The following SREK1 variants were observed in gnomAD, a reference collection of about 807,000 sequenced individuals.
SREK1 encodes the protein splicing regulatory glutamic acid and lysine rich protein 1.
A neutral mutation model predicts 66.5 loss-of-function variants in SREK1; 13 were observed. The ratio of observed to expected loss-of-function variants is 0.20; its 90% confidence interval spans 0.13 to 0.31. The LOEUF (loss-of-function observed/expected upper bound fraction) is 0.31. Among genes scored for constraint, SREK1 ranks in the 10% least tolerant of loss-of-function variants. SREK1 has a pLI of 1.00. For missense variants in SREK1, 607 were observed against 769.6 expected, an observed-to-expected ratio of 0.79 and a Z score of 2.50; for synonymous variants, 265 against 263.5, an observed-to-expected ratio of 1.01 and a Z score of -0.05.
At chr5:66,157,612 A>G (rs932394752) in intron 2 of SREK1, 2 of 967,660 alleles carry the variant, frequency 2.1e-6, no homozygotes, top group Non-Finnish European at 2.5e-6. Flanking sequence ...TAACTAATAC[A>G]TATAAAGCAG....
At chr5:66,150,907 C>T (rs1743732064) in intron 1 of SREK1, among the ~76,000 whole-genome samples, 1 of 151,260 alleles carries the variant, frequency 6.6e-6, no homozygotes. Context: ...GTGGTGTGAT[C>T]TCGGCTCACT....
intron 10 of SREK1, among the ~76,000 whole-genome samples, chr5:66,177,025 TTTCTC>T (rs1180303599): frequency 3.3e-5 from 5 of 152,218 alleles, no homozygotes; most frequent in Admixed American, 6.6e-5. Flanking sequence ...AGTCAAAACT[TTTCTC>T]TTATGAACTG....
At chr5:66,168,236 TTAG>T (rs2112062320) in intron 7 of SREK1, 1 of 152,330 alleles carries the variant, frequency 6.6e-6, no homozygotes, top group East Asian at 1.9e-4. Flanking sequence ...GTAATGTTGA[TTAG>T]TATTTTAATC....
chr5:66,148,952 T>A (rs899703149), intron 1 of SREK1, among the ~76,000 whole-genome samples: 3 of 152,260 alleles, frequency 2.0e-5, no homozygotes, highest in African/African-American at 7.2e-5. Flanking sequence ...TAGTTTATAA[T>A]GGTCAAAATA....
intron 1 of SREK1, 117 bp from the exon 2 acceptor site, chr5:66,153,346 A>C: frequency 1.5e-6 from 2 of 1,315,286 alleles, no homozygotes; most frequent in Admixed American, 2.4e-5. Flanking sequence ...AATAACAAAA[A>C]GTTTTAAAGT....
rs1480755436 is a variant in SREK1, at chr5:66,178,849, C to T, written c.1856C>T (p.Thr619Ile). ...CAGCTGAATGAAGAAAACCTCTCTA[C>T]CAAAACAGAAGCAGTATAGGACCGA... ...NCQLNEENLS[T>I]KTEAV is the part of the protein sequence containing the mutation. The change falls in exon 12 of 12, where the codon ACC becomes ATC. Residue 619 changes from threonine to isoleucine, a missense_variant. Around this residue, in one of 5 missense-constraint regions of SREK1, gnomAD observed 318 missense variants for 310.3 expected, o/e 1.02. Transcript: ENST00000334121. 1.2e-6 allele frequency: 2 copies of T among 1,612,022 alleles called. No individual in the cohort carries two copies. The highest frequency in any genetic ancestry group is 1.7e-5 in the Admixed American group (1 of 59,890).
intron 1 of SREK1, among the ~76,000 whole-genome samples, chr5:66,151,032 G>T (rs575256520): frequency 1.3e-5 from 2 of 151,990 alleles, no homozygotes; most frequent in African/African-American, 4.8e-5. Context: ...GTAGAGATGG[G>T]GTTTCATCAT....
chr5:66,167,390 T>G (rs539516226), intron 7 of SREK1: 2 of 152,354 alleles, frequency 1.3e-5, no homozygotes, highest in Middle Eastern at 6.8e-3. Context: ...TTATAATATT[T>G]TAATGGAAAA....
rs112592920 is a variant in SREK1 at position 66,161,842 on chromosome 5, T to C, written c.412-267T>C. 2.2e-3 allele frequency among the ~76,000 whole-genome samples: 341 copies of C among 152,338 alleles called. 1 individual carries two copies. Among genetic ancestry groups the C allele is most frequent in the African/African-American group, 7.8e-3 (324 of 41,580 alleles). ...TCACGGAAACTATAGAACATAGCTA[T>C]GTCAGGTAATGAGAAACAGCCTGTC... On this transcript the variant is annotated intron_variant, in intron 3 of 11. Transcript: ENST00000334121.
chr5:66,161,699 A>C lies in SREK1; in HGVS notation c.412-410A>C, dbSNP rs138642753. On this transcript the variant is annotated intron_variant, in intron 3 of 11. Coordinates refer to ENST00000334121, the MANE Select transcript of SREK1 (RefSeq NM_001077199.3). The stretch of plus-strand genomic sequence containing the variant: ...CAGCTAAGGTGTCTTTAAACAGAAG[A>C]ACATATAAAATAAGGTTAAATATTT... Among the ~76,000 whole-genome samples, 652 of 152,370 alleles carry C rather than the reference A, an allele frequency of 4.3e-3. 4 individuals carry two copies. Among genetic ancestry groups the C allele is most frequent in the African/African-American group, 0.014 (600 of 41,590 alleles).
rs913338403 is a variant in SREK1, at chr5:66,180,481, A to G, written c.*1613A>G. The G allele has an allele frequency of 1.3e-5, 2 of 152,554 alleles. No individual in the cohort carries two copies. Among genetic ancestry groups the G allele is most frequent in the Non-Finnish European group, 2.9e-5 (2 of 68,006 alleles). 9.5% of individuals were successfully genotyped at this position (152,554 alleles called of 1,614,324 possible). A position where few individuals can be genotyped will look rare whatever the true frequency, so the allele number is the denominator to read the frequency against. ...CAACTTGAGTTTTCTTTTAATGTTA[A>G]TAAGATTGAAACTTTAGTATTTAGT... On this transcript the variant is annotated 3_prime_UTR_variant, in exon 12 of 12. Coordinates refer to ENST00000334121, the MANE Select transcript of SREK1 (RefSeq NM_001077199.3).
At chr5:66,159,552 T>C (rs763226329) in intron 3 of SREK1, among the ~76,000 whole-genome samples, 2 of 152,144 alleles carry the variant, frequency 1.3e-5, no homozygotes, top group African/African-American at 2.4e-5. Flanking sequence ...TCATTTAAAT[T>C]TGAGAACCCC....
chr5:66,170,500 G>A, intron 8 of SREK1, 85 bp from the exon 9 acceptor site: 1 of 1,454,044 alleles, frequency 6.9e-7, no homozygotes, highest in Non-Finnish European at 9.3e-7. Flanking sequence ...ATTGTCTTGT[G>A]TTGGTAATTG....
intron 1 of SREK1, among the ~76,000 whole-genome samples, chr5:66,148,138 C>T (rs27079): frequency 0.32 from 48,357 of 151,766 alleles, 9,225 homozygotes; most frequent in African/African-American, 0.5. Context: ...ATGTTAGCAA[C>T]TTATAAGTAG....
chr5:66,169,929 T>C (rs1745489225), intron 7 of SREK1, 122 bp from the exon 8 acceptor site: 2 of 702,086 alleles, frequency 2.8e-6, no homozygotes, highest in Admixed American at 3.7e-5. Flanking sequence ...ATTATGTAAC[T>C]AAAGTATTAT....
intron 9 of SREK1, among the ~76,000 whole-genome samples, chr5:66,171,395 A>G (rs1313381228): frequency 6.6e-6 from 1 of 152,110 alleles, no homozygotes; most frequent in African/African-American, 2.4e-5. Context: ...AGTGCATAAC[A>G]TTTAAATTTT....
chr5:66,162,103 C>G lies in SREK1; in HGVS notation c.412-6C>G. 4 of 1,601,664 alleles carry G rather than the reference C, an allele frequency of 2.5e-6. No homozygotes were observed. In the South Asian group the frequency reaches 4.5e-5, roughly 18 times the overall value. ...GTTCTGTGTGTTTTTTTTCTTCTTT[C>G]GATAGCTTGGTGTTTCACTTAGCAG... On this transcript the variant is annotated splice_polypyrimidine_tract_variant and splice_region_variant and intron_variant, in intron 3 of 11. Transcript: ENST00000334121.
chr5:66,168,991 G>C (rs1745397575), intron 7 of SREK1: 1 of 152,162 alleles, frequency 6.6e-6, no homozygotes, highest in Admixed American at 6.5e-5. Flanking sequence ...CTCAGGCTTG[G>C]AGAGGTTAAG....
chr5:66,144,944 C>A, intron 1 of SREK1: 2 of 991,018 alleles, frequency 2.0e-6, no homozygotes, highest in Non-Finnish European at 2.4e-6. Flanking sequence ...GCGCCTGAGC[C>A]ACAGTCCAGT....
Sources: gnomAD v4.1 joint callset for allele counts (sites outside exome capture counted in the v4.1 genomes callset) on GRCh38, gnomAD v4.1.1 for gene constraint, gnomAD v4.1.1 regional missense constraint, MANE v1.5 for transcripts, NCBI Gene and HGNC (gene_info 2026-07-23, HGNC 2026-07-21) for gene names.